The following DYNC1I1 variants were observed in gnomAD, a reference collection of about 807,000 sequenced individuals.
DYNC1I1 encodes dynein cytoplasmic 1 intermediate chain 1, also known as cytoplasmic dynein 1 intermediate chain 1.
In DYNC1I1, 43 loss-of-function variants were observed where a neutral mutation model predicts 86.6. That is an observed-to-expected ratio of 0.50 (90% CI 0.39 to 0.64). The LOEUF (loss-of-function observed/expected upper bound fraction) is 0.64. Among genes scored for constraint, DYNC1I1 ranks in the 30% least tolerant of loss-of-function variants. The pLI is 0.00. For missense variants in DYNC1I1, 604 were observed against 788.8 expected, an observed-to-expected ratio of 0.77 and a Z score of 2.81; for synonymous variants, 262 against 283.7, an observed-to-expected ratio of 0.92 and a Z score of 0.77.
chr7:95,820,349 G>A (rs1795046978), intron 4 of DYNC1I1, among the ~76,000 whole-genome samples: 1 of 152,096 alleles, frequency 6.6e-6, no homozygotes, highest in Admixed American at 6.5e-5. Context: ...GTGATATGAT[G>A]GATTTTAAAA....
chr7:95,989,944 T>C (rs1793690322), intron 9 of DYNC1I1, among the ~76,000 whole-genome samples: 1 of 152,094 alleles, frequency 6.6e-6, no homozygotes. Flanking sequence ...TCGAATGATA[T>C]TAAGAAAGAA....
At chr7:96,012,983 G>A (rs1476116294) in intron 10 of DYNC1I1, among the ~76,000 whole-genome samples, 2 of 152,058 alleles carry the variant, frequency 1.3e-5, no homozygotes, top group Non-Finnish European at 2.9e-5. Context: ...AAGGGTGGAT[G>A]GGGGTGAGGG....
intron 6 of DYNC1I1, among the ~76,000 whole-genome samples, chr7:95,897,549 A>C (rs1415750226): frequency 6.6e-6 from 1 of 152,112 alleles, no homozygotes; most frequent in Non-Finnish European, 1.5e-5. Context: ...AGAGGGCAGG[A>C]AAGAAGAATT....
intron 8 of DYNC1I1, among the ~76,000 whole-genome samples, chr7:95,986,023 C>CGTGTGTGT (rs3138829): frequency 0.02 from 2,634 of 132,688 alleles, 82 homozygotes; most frequent in East Asian, 0.047. Flanking sequence ...CCTGGCAGGA[C>CGTGTGTGT]GTGTGTGTGT....
chr7:95,840,182 C>T lies in DYNC1I1; in HGVS notation c.374+12066C>T, dbSNP rs186923374. 3.1e-3 allele frequency among the ~76,000 whole-genome samples: 474 copies of T among 152,174 alleles called. 2 individuals carry two copies. Among genetic ancestry groups the T allele is most frequent in the African/African-American group, 0.011 (451 of 41,532 alleles). ...TCTCTGAATGAGTTTTCTGGTTCTCCTTCTGTGAGTTTCATAATGCATATA... is the reference window on the plus strand; with the variant it reads ...TCTCTGAATGAGTTTTCTGGTTCTCTTTCTGTGAGTTTCATAATGCATATA... On this transcript the variant is annotated intron_variant, in intron 5 of 16. Transcript: ENST00000447467.
intron 5 of DYNC1I1, among the ~76,000 whole-genome samples, chr7:95,846,625 CTCTGTGTGTG>C (rs1308768772): frequency 3.8e-5 from 5 of 132,684 alleles, no homozygotes; most frequent in Non-Finnish European, 6.4e-5. Flanking sequence ...AAATCTCTCT[CTCTGTGTGTG>C]TGTGTGTGTG....
chr7:96,066,945 A>G (rs1227468407), intron 14 of DYNC1I1, among the ~76,000 whole-genome samples: 1 of 152,228 alleles, frequency 6.6e-6, no homozygotes, highest in Admixed American at 6.5e-5. Context: ...ATCATTGCTG[A>G]AATATGTGCC....
intron 15 of DYNC1I1, among the ~76,000 whole-genome samples, chr7:96,079,271 G>A (rs1790440068): frequency 1.3e-5 from 2 of 152,158 alleles, no homozygotes; most frequent in African/African-American, 4.8e-5. Context: ...AATGCGACAT[G>A]TTTATTAGAC....
chr7:95,938,122 T>G, intron 6 of DYNC1I1, among the ~76,000 whole-genome samples: 1 of 152,180 alleles, frequency 6.6e-6, no homozygotes, highest in East Asian at 1.9e-4. Flanking sequence ...CAGTTTGTTT[T>G]CTTATCCATT....
At chr7:96,032,950 C>T (rs746829984) in intron 12 of DYNC1I1, among the ~76,000 whole-genome samples, 170 bp downstream of exon 12, 4 of 152,186 alleles carry the variant, frequency 2.6e-5, no homozygotes, top group African/African-American at 9.7e-5. Context: ...AAGCCAAAAC[C>T]CATTTCCTTT....
chr7:95,916,604 C>A (rs1421060795), intron 6 of DYNC1I1, among the ~76,000 whole-genome samples: 1 of 152,120 alleles, frequency 6.6e-6, no homozygotes. Flanking sequence ...ACTTACCTGA[C>A]CATTGAGAAA....
intron 12 of DYNC1I1, among the ~76,000 whole-genome samples, chr7:96,033,526 C>T (rs572450761): frequency 6.6e-6 from 1 of 152,272 alleles, no homozygotes; most frequent in South Asian, 2.1e-4. Flanking sequence ...ACAGTATTCA[C>T]TATCCTCCAA....
intron 16 of DYNC1I1, among the ~76,000 whole-genome samples, chr7:96,083,920 A>G (rs1790597601): frequency 2.6e-5 from 4 of 152,184 alleles, no homozygotes; most frequent in Admixed American, 2.6e-4. Flanking sequence ...TTGTAATACA[A>G]TCTGTATTAA....
chr7:95,825,168 G>C (rs1441942023), intron 4 of DYNC1I1, among the ~76,000 whole-genome samples: 1 of 152,166 alleles, frequency 6.6e-6, no homozygotes, highest in South Asian at 2.1e-4. Context: ...TTTTCTGGCC[G>C]AGTAAATGCA....
chr7:95,985,032 AATTT>A, intron 8 of DYNC1I1, 55 bp downstream of exon 8: 1 of 1,584,792 alleles, frequency 6.3e-7, no homozygotes, highest in Non-Finnish European at 8.5e-7. Flanking sequence ...TGTTAATTCT[AATTT>A]ATTTATGTTC....
chr7:95,850,134 A>C (rs1397440424), intron 5 of DYNC1I1, among the ~76,000 whole-genome samples: 1 of 152,202 alleles, frequency 6.6e-6, no homozygotes, highest in Non-Finnish European at 1.5e-5. Context: ...TCTATATAAA[A>C]GATTATGTTG....
At chr7:95,940,423 T>C (rs974037326) in intron 6 of DYNC1I1, among the ~76,000 whole-genome samples, 1 of 152,226 alleles carries the variant, frequency 6.6e-6, no homozygotes, top group African/African-American at 2.4e-5. Context: ...TCCCCGTCAC[T>C]TTCAGGTACA....
chr7:96,075,551 T>C (rs1790306225), intron 14 of DYNC1I1, among the ~76,000 whole-genome samples: 1 of 152,188 alleles, frequency 6.6e-6, no homozygotes, highest in Non-Finnish European at 1.5e-5. Flanking sequence ...AAATGTGAAT[T>C]TGGCCTAGAG....
chr7:95,812,524 A>G (rs1794852465), intron 3 of DYNC1I1, among the ~76,000 whole-genome samples: 1 of 152,168 alleles, frequency 6.6e-6, no homozygotes, highest in South Asian at 2.1e-4. Context: ...TTCTGTGCAC[A>G]TGGCAGGGTC....
Sources: gnomAD v4.1 joint callset for allele counts (sites outside exome capture counted in the v4.1 genomes callset) on GRCh38, gnomAD v4.1.1 for gene constraint, MANE v1.5 for transcripts, NCBI Gene and HGNC (gene_info 2026-07-23, HGNC 2026-07-21) for gene names.